EPHA3: variants seen among roughly 807,000 people sequenced by gnomAD.
EPHA3 encodes the protein ephrin type-A receptor 3.
Under a neutral mutation model 107.1 loss-of-function variants are expected in EPHA3, and 42 were observed. That is an observed-to-expected ratio of 0.39 (90% CI 0.31 to 0.51). The LOEUF is 0.51. Among genes scored for constraint, EPHA3 ranks in the 20% least tolerant of loss-of-function variants. The pLI is 0.78. For synonymous variants in EPHA3, 461 were observed against 424.8 expected, an observed-to-expected ratio of 1.09 and a Z score of -1.05; for missense variants, 1,183 against 1,211.2, an observed-to-expected ratio of 0.98 and a Z score of 0.35.
chr3:89,369,756 A>G (rs1180832824), intron 5 of EPHA3, among the ~76,000 whole-genome samples: 1 of 148,910 alleles, frequency 6.7e-6, no homozygotes, highest in Non-Finnish European at 1.5e-5. Flanking sequence ...CAACCTACTC[A>G]TCTGACAAAG....
intron 15 of EPHA3, among the ~76,000 whole-genome samples, chr3:89,468,754 C>G (rs1710340402): frequency 1.3e-5 from 2 of 152,130 alleles, no homozygotes; most frequent in African/African-American, 2.4e-5. Context: ...TCCAATGAGT[C>G]TAATGTAATG....
chr3:89,361,460 C>T lies in EPHA3; in HGVS notation c.1306+19370C>T. ...ACTAATGACATGATATAGAGAGGCC[C>T]CTGGTTCAATGACTGTTAGTACAGC... is the stretch of plus-strand genomic sequence containing the variant. On this transcript the variant is annotated intron_variant, in intron 5 of 16. Coordinates refer to ENST00000336596, the MANE Select transcript of EPHA3 (RefSeq NM_005233.6). 1.3e-5 allele frequency among the ~76,000 whole-genome samples: 2 copies of T among 150,782 alleles called. 1 individual carries two copies. Among genetic ancestry groups the T allele is most frequent in the Non-Finnish European group, 3.0e-5 (2 of 67,382 alleles).
intron 15 of EPHA3, among the ~76,000 whole-genome samples, chr3:89,470,404 A>G (rs567873042): frequency 5.1e-4 from 78 of 152,364 alleles, no homozygotes; most frequent in Non-Finnish European, 1.0e-3. Context: ...CCATTTACAT[A>G]AGAATAATGA....
chr3:89,147,053 G>A (rs760421919), intron 2 of EPHA3, among the ~76,000 whole-genome samples: 2 of 151,822 alleles, frequency 1.3e-5, no homozygotes, highest in Non-Finnish European at 2.9e-5. Flanking sequence ...GATAAAGCTG[G>A]AAACGATCAT....
At position 89,477,334 on chromosome 3, in the gene EPHA3, A is replaced by T. The variant is rs558537093; in HGVS notation, c.2847-2063A>T. ...GCAAGGCACAAGCTCTCCAGAGAGG[A>T]TTTATCAGCCCTTTGACAGTCAGCA... On this transcript the variant is annotated intron_variant, in intron 16 of 16. Coordinates refer to ENST00000336596, the MANE Select transcript of EPHA3 (RefSeq NM_005233.6). 2.2e-4 allele frequency among the ~76,000 whole-genome samples: 34 copies of T among 152,240 alleles called. No individual in the cohort carries two copies. In the East Asian group the frequency reaches 5.4e-3, roughly 24 times the overall value.
chr3:89,359,747 AC>A (rs1478103683), intron 5 of EPHA3, among the ~76,000 whole-genome samples: 2 of 144,452 alleles, frequency 1.4e-5, no homozygotes, highest in African/African-American at 5.0e-5. Context: ...ACACATATAT[AC>A]ACATATATAC....
intron 3 of EPHA3, among the ~76,000 whole-genome samples, chr3:89,213,208 C>A (rs9852594): frequency 0.14 from 20,635 of 151,898 alleles, 1,416 homozygotes; most frequent in African/African-American, 0.16. Context: ...AGAAGCATTC[C>A]TTTCTAGTTG....
intron 3 of EPHA3, among the ~76,000 whole-genome samples, chr3:89,278,903 C>T (rs1191297212): frequency 6.6e-6 from 1 of 152,100 alleles, no homozygotes; most frequent in African/African-American, 2.4e-5. Flanking sequence ...CTGTTGAGCT[C>T]ATATTTAAGG....
At chr3:89,410,782 T>G (rs1709143774) in intron 9 of EPHA3, among the ~76,000 whole-genome samples, 1 of 151,932 alleles carries the variant, frequency 6.6e-6, no homozygotes, top group Non-Finnish European at 1.5e-5. Flanking sequence ...TTACTCCACA[T>G]CTAGAAAAGT....
At chr3:89,477,844 T>A (rs1022072993) in intron 16 of EPHA3, among the ~76,000 whole-genome samples, 1 of 150,604 alleles carries the variant, frequency 6.6e-6, no homozygotes, top group African/African-American at 2.4e-5. Flanking sequence ...AAAAAAAGAA[T>A]CCCAGTTCAC....
intron 13 of EPHA3, among the ~76,000 whole-genome samples, chr3:89,444,643 G>A (rs960381649): frequency 4.6e-5 from 7 of 152,008 alleles, no homozygotes; most frequent in Non-Finnish European, 8.8e-5. Flanking sequence ...GAAGGAACAG[G>A]CATAACATTT....
At chr3:89,122,087 C>G (rs1707404200) in intron 1 of EPHA3, among the ~76,000 whole-genome samples, 1 of 152,278 alleles carries the variant, frequency 6.6e-6, no homozygotes, top group East Asian at 1.9e-4. Context: ...CAATTTGTGA[C>G]ATTTAAATAT....
intron 13 of EPHA3, among the ~76,000 whole-genome samples, chr3:89,435,952 CAATAAT>C (rs974588507): frequency 6.7e-6 from 1 of 149,376 alleles, no homozygotes; most frequent in East Asian, 2.0e-4. Context: ...GAATCCATCT[CAATAAT>C]AATAATAATA....
At chr3:89,451,521 G>T (rs1709989583) in intron 15 of EPHA3, among the ~76,000 whole-genome samples, 1 of 152,012 alleles carries the variant, frequency 6.6e-6, no homozygotes, top group African/African-American at 2.4e-5. Context: ...ACATGAGTTA[G>T]TACATGTTTT....
At chr3:89,327,192 A>C (rs1479086733) in intron 3 of EPHA3, among the ~76,000 whole-genome samples, 1 of 152,132 alleles carries the variant, frequency 6.6e-6, no homozygotes, top group Non-Finnish European at 1.5e-5. Context: ...TTATGAAAAC[A>C]TGATTATACT....
At chr3:89,212,852 A>G (rs1057113584) in intron 3 of EPHA3, among the ~76,000 whole-genome samples, 5 of 151,996 alleles carry the variant, frequency 3.3e-5, no homozygotes, top group East Asian at 1.9e-4. Flanking sequence ...GTGGAATGCT[A>G]ACTTTATTCC....
chr3:89,151,289 C>T (rs1009898448), intron 2 of EPHA3, among the ~76,000 whole-genome samples: 5 of 152,072 alleles, frequency 3.3e-5, no homozygotes, highest in African/African-American at 1.2e-4. Flanking sequence ...ATTTACTTCA[C>T]TGGACTTCTA....
At chr3:89,132,248 A>G (rs1249353385) in intron 2 of EPHA3, among the ~76,000 whole-genome samples, 1 of 152,220 alleles carries the variant, frequency 6.6e-6, no homozygotes, top group Non-Finnish European at 1.5e-5. Flanking sequence ...GAACCTTGAT[A>G]TCACTGAACC....
intron 5 of EPHA3, among the ~76,000 whole-genome samples, chr3:89,388,489 A>C (rs1379326200): frequency 6.6e-6 from 1 of 152,208 alleles, no homozygotes; most frequent in Non-Finnish European, 1.5e-5. Context: ...TATATTAGCA[A>C]AGGATTTTGG....
Sources: gnomAD v4.1 joint callset for allele counts (sites outside exome capture counted in the v4.1 genomes callset) on GRCh38, gnomAD v4.1.1 for gene constraint, MANE v1.5 for transcripts, NCBI Gene and HGNC (gene_info 2026-07-23, HGNC 2026-07-21) for gene names.